The following MGMT variants were observed in gnomAD, a reference collection of about 807,000 sequenced individuals.
MGMT encodes methylated-DNA--protein-cysteine methyltransferase.
In MGMT, 14 loss-of-function variants were observed where a neutral mutation model predicts 15.9. That is an observed-to-expected ratio of 0.88 (90% CI 0.58 to 1.37). MGMT has a LOEUF of 1.37. MGMT is among the 40% of genes most tolerant of loss of function. The pLI is 0.00. For missense variants in MGMT, 282 were observed against 268.1 expected (o/e 1.05, Z -0.36); for synonymous variants, 130 against 118.2 (o/e 1.10, Z -0.65).
intron 2 of MGMT, among the ~76,000 whole-genome samples, chr10:129,636,341 G>A (rs963370712): frequency 3.3e-5 from 5 of 152,202 alleles, no homozygotes; most frequent in East Asian, 1.9e-4. Context: ...CCAGCACAGA[G>A]GTTAGTATTC....
intron 3 of MGMT, among the ~76,000 whole-genome samples, chr10:129,755,390 T>C (rs1210777029): frequency 6.6e-6 from 1 of 152,244 alleles, no homozygotes; most frequent in Non-Finnish European, 1.5e-5. Flanking sequence ...TCTTTCTTGC[T>C]CTCTGTTGCT....
At chr10:129,508,972 T>G (rs1845653569) in intron 1 of MGMT, among the ~76,000 whole-genome samples, 1 of 151,846 alleles carries the variant, frequency 6.6e-6, no homozygotes, top group African/African-American at 2.4e-5. Context: ...ATTACTTATT[T>G]GAAAGAAATA....
At chr10:129,748,532 G>A (rs1444054197) in intron 3 of MGMT, among the ~76,000 whole-genome samples, 2 of 152,272 alleles carry the variant, frequency 1.3e-5, no homozygotes, top group East Asian at 3.9e-4. Flanking sequence ...TCTTGAAGGA[G>A]TCTTGTGTCT....
At chr10:129,716,237 T>A (rs1294748177) in intron 3 of MGMT, among the ~76,000 whole-genome samples, 1 of 152,192 alleles carries the variant, frequency 6.6e-6, no homozygotes, top group African/African-American at 2.4e-5. Context: ...TCAGGTTAGG[T>A]ATTGGTAACG....
intron 1 of MGMT, among the ~76,000 whole-genome samples, chr10:129,534,408 G>A (rs566634699): frequency 1.4e-4 from 22 of 152,224 alleles, no homozygotes; most frequent in Non-Finnish European, 2.6e-4. Flanking sequence ...AATGGGATCC[G>A]GTTCAAATCC....
chr10:129,538,161 TA>T (rs1030101609), intron 2 of MGMT, among the ~76,000 whole-genome samples: 8 of 152,208 alleles, frequency 5.3e-5, no homozygotes, highest in African/African-American at 1.9e-4. Flanking sequence ...AAAATTTAGG[TA>T]AAAATTACAT....
chr10:129,696,193 G>A (rs1454326246), intron 2 of MGMT, among the ~76,000 whole-genome samples: 1 of 152,196 alleles, frequency 6.6e-6, no homozygotes, highest in Non-Finnish European at 1.5e-5. Context: ...ATGCCTTAGT[G>A]TAACGAGTGG....
At chr10:129,622,910 C>T (rs752346129) in intron 2 of MGMT, among the ~76,000 whole-genome samples, 27 of 152,142 alleles carry the variant, frequency 1.8e-4, no homozygotes, top group Non-Finnish European at 3.8e-4. Flanking sequence ...TGCATGGAGC[C>T]CCGTTTCGTT....
At chr10:129,760,399 A>G (rs891724096) in intron 4 of MGMT, among the ~76,000 whole-genome samples, 7 of 152,270 alleles carry the variant, frequency 4.6e-5, no homozygotes, top group African/African-American at 1.4e-4. Context: ...GAAAGTTTCT[A>G]GCATGATGGA....
chr10:129,599,081 A>G (rs190299916), intron 2 of MGMT, among the ~76,000 whole-genome samples: 2 of 152,370 alleles, frequency 1.3e-5, no homozygotes, highest in Non-Finnish European at 2.9e-5. Flanking sequence ...CAATTCGCAA[A>G]TCGAGCAGCC....
At chr10:129,755,088 A>T (rs1193627277) in intron 3 of MGMT, among the ~76,000 whole-genome samples, 1 of 152,206 alleles carries the variant, frequency 6.6e-6, no homozygotes, top group Non-Finnish European at 1.5e-5. Flanking sequence ...GCTGCCAACT[A>T]CTACTGACTC....
In MGMT at chr10:129,646,244, T is replaced by A. The variant is rs1483151016; in HGVS notation, c.126-61651T>A. ...GTGCCTTGGTAGAAGTGAAGACAGATCGCCTGGGGAAGTTGGAAGAAGTAG... is the reference window on the plus strand; with the variant it reads ...GTGCCTTGGTAGAAGTGAAGACAGAACGCCTGGGGAAGTTGGAAGAAGTAG... On this transcript the variant is annotated intron_variant, in intron 2 of 4. Coordinates refer to ENST00000651593, the MANE Select transcript of MGMT (RefSeq NM_002412.5). Among the ~76,000 whole-genome samples, 6 of 152,106 alleles carry A rather than the reference T, an allele frequency of 3.9e-5. No individual in the cohort carries two copies. The Middle Eastern group carries it at 0.017, about 431-fold the overall frequency.
At chr10:129,635,082 T>C (rs1478229989) in intron 2 of MGMT, among the ~76,000 whole-genome samples, 1 of 152,158 alleles carries the variant, frequency 6.6e-6, no homozygotes, top group Non-Finnish European at 1.5e-5. Context: ...TCGCCCCGGA[T>C]GGTCTGTGAA....
chr10:129,608,962 G>A (rs539226907), intron 2 of MGMT, among the ~76,000 whole-genome samples: 6 of 152,272 alleles, frequency 3.9e-5, no homozygotes, highest in Non-Finnish European at 8.8e-5. Context: ...TGCTTACGCA[G>A]TACACTGTGT....
chr10:129,477,603 C>G (rs1482913432), intron 1 of MGMT, among the ~76,000 whole-genome samples: 1 of 152,176 alleles, frequency 6.6e-6, no homozygotes, highest in Non-Finnish European at 1.5e-5. Context: ...TCTCTCCCTC[C>G]CATACCGTGT....
chr10:129,751,766 T>C (rs962314922), intron 3 of MGMT, among the ~76,000 whole-genome samples: 1 of 152,022 alleles, frequency 6.6e-6, no homozygotes, highest in Non-Finnish European at 1.5e-5. Context: ...CTCTTTGACC[T>C]ATTGATTATT....
intron 2 of MGMT, among the ~76,000 whole-genome samples, chr10:129,587,378 A>G (rs890636655): frequency 2.7e-5 from 4 of 146,902 alleles, no homozygotes; most frequent in African/African-American, 1.0e-4. Flanking sequence ...TGAGTTCACT[A>G]ATCTTTTCTT....
chr10:129,661,512 GTTTA>G (rs1165714795), intron 2 of MGMT, among the ~76,000 whole-genome samples: 1 of 152,044 alleles, frequency 6.6e-6, no homozygotes, highest in African/African-American at 2.4e-5. Context: ...AACTTTCTGT[GTTTA>G]TTAGCCAATT....
At chr10:129,500,252 T>C (rs1258267044) in intron 1 of MGMT, among the ~76,000 whole-genome samples, 1 of 152,198 alleles carries the variant, frequency 6.6e-6, no homozygotes, top group East Asian at 1.9e-4. Flanking sequence ...TTTCCTACCG[T>C]AGAAGCGTGT....
Sources: gnomAD v4.1 joint callset for allele counts (sites outside exome capture counted in the v4.1 genomes callset) on GRCh38, gnomAD v4.1.1 for gene constraint, MANE v1.5 for transcripts, NCBI Gene and HGNC (gene_info 2026-07-23, HGNC 2026-07-21) for gene names.